RRBP1: variants seen among roughly 807,000 people sequenced by gnomAD.
The protein encoded by RRBP1 is ribosome-binding protein 1.
RRBP1 carries 94 observed loss-of-function variants against 165.2 expected under a neutral mutation model. That is an observed-to-expected ratio of 0.57 (90% CI 0.48 to 0.68). The LOEUF (loss-of-function observed/expected upper bound fraction) is 0.68. Among genes scored for constraint, RRBP1 ranks in the 30% least tolerant of loss-of-function variants. The probability of loss-of-function intolerance (pLI) is 0.00; values close to 1 mark genes in which losing one functional copy is unlikely to be tolerated. For missense variants in RRBP1, 1,676 were observed against 1,763.0 expected (o/e 0.95, Z 0.88); for synonymous variants, 680 against 714.5 (o/e 0.95, Z 0.77).
At chr20:17,666,534 C>A (rs1457079234) in intron 2 of RRBP1, among the ~76,000 whole-genome samples, 1 of 152,148 alleles carries the variant, frequency 6.6e-6, no homozygotes, top group East Asian at 1.9e-4. Flanking sequence ...CATCTATGTT[C>A]TTGTCAAATC....
At position 17,659,986 on chromosome 20, in the gene RRBP1, G is replaced by A; in HGVS notation, c.522C>T (p.Pro174=). ...TSKAAILETA[P]KEVPMVVVPP... ...GCACCACCACCATCGGCACCTCCTTGGGAGCAGTTTCCAAGATGGCAGCCT... is the reference window on the plus strand; with the variant it reads ...GCACCACCACCATCGGCACCTCCTTAGGAGCAGTTTCCAAGATGGCAGCCT... The change falls in exon 3 of 25, where the codon CCC becomes CCT. Residue 174 remains proline, a synonymous_variant. Coordinates refer to ENST00000377813, the MANE Select transcript of RRBP1 (RefSeq NM_001365613.2). 2 of 1,610,086 alleles carry A rather than the reference G, an allele frequency of 1.2e-6. No homozygotes were observed. Among genetic ancestry groups the A allele is most frequent in the Non-Finnish European group, 1.7e-6 (2 of 1,177,972 alleles).
chr20:17,619,229 A>C (rs1443281517), intron 19 of RRBP1: 1 of 182,668 alleles, frequency 5.5e-6, no homozygotes, highest in Non-Finnish European at 1.1e-5. Context: ...CAAAAGTTTG[A>C]GATTAAACCA....
chr20:17,619,641 C>T lies in RRBP1; in HGVS notation c.3667G>A (p.Val1223Met). The change falls in exon 19 of 25, where the codon GTG (valine) becomes ATG (methionine). Residue 1223 changes from valine (V) to methionine (M), a missense_variant. Coordinates refer to ENST00000377813, the MANE Select transcript of RRBP1 (RefSeq NM_001365613.2). The stretch of plus-strand genomic sequence containing the variant: ...TTGGGGGGCAGACTCACCCCTGCCA[C>T]CTCCTTGGCGTAGTTCTGGCACTCG... ...SAECQNYAKE[V>M]AGLRQLLLES... The T allele has an allele frequency of 1.2e-6, 2 of 1,611,274 alleles. No individual in the cohort carries two copies. The highest frequency in any genetic ancestry group is 1.7e-6 in the Non-Finnish European group (2 of 1,178,930).
rs1392144042 is a variant in RRBP1, at chr20:17,624,622, G to C, written c.3101C>G (p.Ala1034Gly). 6.3e-7 allele frequency: 1 copy of C among 1,592,262 alleles called. No individual in the cohort carries two copies. Among genetic ancestry groups the C allele is most frequent in the Non-Finnish European group, 8.5e-7 (1 of 1,170,050 alleles). ...NWKAMEALATAEQACKEKLLS... is the reference protein window; with the variant it reads ...NWKAMEALATGEQACKEKLLS... ...CAGCTTCTCCTTGCAGGCCTGCTCG[G>C]CCGTGGCCAGTGCCTCCATGGCCTT... is the stretch of plus-strand genomic sequence containing the variant. The change falls in exon 13 of 25, where the codon GCC becomes GGC. Residue 1034 changes from alanine (A) to glycine (G), a missense_variant. Coordinates refer to ENST00000377813, the MANE Select transcript of RRBP1 (RefSeq NM_001365613.2).
chr20:17,628,632 G>A lies in RRBP1; in HGVS notation c.2750-950C>T, dbSNP rs534060482. Among the ~76,000 whole-genome samples, 9 of 152,318 alleles carry A rather than the reference G, an allele frequency of 5.9e-5. No homozygotes were observed. In the South Asian group the frequency reaches 1.7e-3, roughly 28 times the overall value. ...AGGGAGGGTGACCTGGCCCTGCCCCGCCACCAGCCTTCTCCTTCCAGCCAC... is the reference window on the plus strand; with the variant it reads ...AGGGAGGGTGACCTGGCCCTGCCCCACCACCAGCCTTCTCCTTCCAGCCAC... On this transcript the variant is annotated intron_variant, in intron 9 of 24. Coordinates refer to ENST00000377813, the MANE Select transcript of RRBP1 (RefSeq NM_001365613.2).
At chr20:17,625,003 G>A (rs770066599) in intron 12 of RRBP1, among the ~76,000 whole-genome samples, 1 of 152,206 alleles carries the variant, frequency 6.6e-6, no homozygotes, top group Non-Finnish European at 1.5e-5. Flanking sequence ...CTGATCCCTT[G>A]GGCCAGCTCT....
intron 2 of RRBP1, among the ~76,000 whole-genome samples, chr20:17,666,501 A>G (rs1048006326): frequency 1.3e-5 from 2 of 152,350 alleles, no homozygotes. Flanking sequence ...TCATTTCTGC[A>G]TATGTATAAT....
intron 12 of RRBP1, among the ~76,000 whole-genome samples, chr20:17,625,264 A>C (rs775384048): frequency 2.6e-5 from 4 of 152,126 alleles, no homozygotes; most frequent in Non-Finnish European, 5.9e-5. Flanking sequence ...TCCCCACCCC[A>C]GGGATGACTC....
chr20:17,654,329 T>G (rs1279232421), intron 3 of RRBP1, among the ~76,000 whole-genome samples: 1 of 152,178 alleles, frequency 6.6e-6, no homozygotes, highest in Non-Finnish European at 1.5e-5. Context: ...CTTCTTCTTG[T>G]ACAGATGCTG....
rs1180544916 is a variant in RRBP1, at chr20:17,641,719, G to A, written c.2184+78C>T. 61 of 1,556,994 alleles carry A rather than the reference G, an allele frequency of 3.9e-5. 1 individual carries two copies. In the Middle Eastern group the frequency reaches 1.6e-3, roughly 41 times the overall value. Reference sequence around the variant, plus strand: ...GGCAGGCCCCAGCATCTCGGAGCCCGGGATCCACCGTGGATGGGGCGGGGG... The same window carrying A: ...GGCAGGCCCCAGCATCTCGGAGCCCAGGATCCACCGTGGATGGGGCGGGGG... On this transcript the variant is annotated intron_variant, in intron 5 of 24. Transcript: ENST00000377813.
chr20:17,660,623 T>C, intron 2 of RRBP1, 95 bp from the exon 3 acceptor site: 3 of 753,316 alleles, frequency 4.0e-6, no homozygotes, highest in Admixed American at 5.2e-5. Context: ...TTTCACTAAT[T>C]CTTTCTTCAG....
intron 3 of RRBP1, among the ~76,000 whole-genome samples, chr20:17,647,351 T>C (rs1362236217): frequency 6.6e-6 from 1 of 152,184 alleles, no homozygotes; most frequent in East Asian, 1.9e-4. Context: ...CAAGCATAGC[T>C]GGGTAAGGAC....
At position 17,643,936 on chromosome 20, in the gene RRBP1, A is replaced by G. The variant is rs112895049; in HGVS notation, c.1913-809T>C. ...CAGCCTCGGAAGCAAGAAAGGGTGA[A>G]CCAAGATGCCACGCCTGAGTGCCTG... On this transcript the variant is annotated intron_variant, in intron 3 of 24. Transcript: ENST00000377813. The surrounding 1 kb of genome is among the most constrained non-coding windows in gnomAD (Gnocchi z 4.3). Among the ~76,000 whole-genome samples, 1,162 of 152,264 alleles carry G rather than the reference A, an allele frequency of 7.6e-3. 17 individuals carry two copies. Among genetic ancestry groups the G allele is most frequent in the African/African-American group, 0.026 (1,095 of 41,546 alleles).
At chr20:17,679,392 A>G (rs1459690709) in intron 2 of RRBP1, among the ~76,000 whole-genome samples, 2 of 152,248 alleles carry the variant, frequency 1.3e-5, no homozygotes, top group Admixed American at 1.3e-4. Context: ...GACGGACAGC[A>G]CAGTCCCTGC....
chr20:17,642,915 G>C, intron 4 of RRBP1, 64 bp downstream of exon 4: 1 of 1,557,100 alleles, frequency 6.4e-7, no homozygotes. Context: ...GCAGAGGGAA[G>C]GGCAAAACCA....
At chr20:17,658,499 A>C (rs1410553612) in intron 3 of RRBP1, 97 bp downstream of exon 3, 7 of 1,060,596 alleles carry the variant, frequency 6.6e-6, no homozygotes, top group Middle Eastern at 3.1e-4. Flanking sequence ...TTATTATGAC[A>C]ATAGCTGACT....
rs1408439772 is a variant in RRBP1 at position 17,620,304 on chromosome 20, C to A, written c.3574G>T (p.Asp1192Tyr). 6.2e-7 allele frequency: 1 copy of A among 1,612,900 alleles called. No individual in the cohort carries two copies. Among genetic ancestry groups the A allele is most frequent in the Non-Finnish European group, 8.5e-7 (1 of 1,178,992 alleles). Residue 1192 changes from aspartate to tyrosine, a missense_variant, in exon 18 of 25, where the codon GAC becomes TAC. Physicochemically the swap from Asp to Tyr is radical, Grantham distance 160. Coordinates refer to ENST00000377813, the MANE Select transcript of RRBP1 (RefSeq NM_001365613.2). ...EKLKGELESS[D>Y]QVREHTSHLE... is the part of the protein sequence containing the mutation. ...TCTCTGAGCAGAGCACATACCTGGT[C>A]CGAACTTTCAAGTTCTCCTTTTAGC...
chr20:17,644,754 T>G (rs1296760536), intron 3 of RRBP1, among the ~76,000 whole-genome samples: 1 of 152,172 alleles, frequency 6.6e-6, no homozygotes, highest in African/African-American at 2.4e-5. Context: ...AGATGTGCTA[T>G]GAGTGGAAAG....
intron 2 of RRBP1, 33 bp downstream of exon 2, chr20:17,679,966 C>A (rs73599767): frequency 6.6e-6 from 1 of 152,256 alleles, no homozygotes; most frequent in Non-Finnish European, 1.5e-5. Flanking sequence ...GCCGGCTTTG[C>A]GGTGCTCCAT....
Sources: allele counts gnomAD v4.1 joint callset (sites outside exome capture counted in the v4.1 genomes callset), GRCh38; gene constraint gnomAD v4.1.1; non-coding constraint Gnocchi (gnomAD v3.1); transcripts MANE v1.5; gene names NCBI Gene and HGNC (gene_info 2026-07-23, HGNC 2026-07-21).